Variants in SCLT1 observed in about 807,000 individuals in gnomAD.
SCLT1 encodes sodium channel-associated protein 1.
A neutral mutation model predicts 112.8 loss-of-function variants in SCLT1; 78 were observed. The observed-to-expected ratio is 0.69, with a 90% CI of 0.58 to 0.83. The LOEUF is 0.83. Ranked by LOEUF, SCLT1 falls within the 40% of genes least tolerant of loss-of-function variation. The pLI is 0.00. For missense variants in SCLT1, 747 were observed against 770.4 expected, an observed-to-expected ratio of 0.97 and a Z score of 0.36; for synonymous variants, 257 against 254.7, an observed-to-expected ratio of 1.01 and a Z score of -0.09.
chr4:128,907,504 A>G (rs1475711167), intron 18 of SCLT1, among the ~76,000 whole-genome samples: 1 of 152,152 alleles, frequency 6.6e-6, no homozygotes, highest in East Asian at 1.9e-4. Flanking sequence ...TGGGTAGATG[A>G]TATTACCATT....
At chr4:129,087,193 A>G (rs2125783571) in intron 1 of SCLT1, among the ~76,000 whole-genome samples, 1 of 152,078 alleles carries the variant, frequency 6.6e-6, no homozygotes, top group South Asian at 2.1e-4. Context: ...GACTGCACAG[A>G]GAAAGAACCC....
chr4:129,085,118 G>A (rs946679565), intron 1 of SCLT1, among the ~76,000 whole-genome samples: 3 of 152,144 alleles, frequency 2.0e-5, no homozygotes, highest in African/African-American at 7.2e-5. Flanking sequence ...TGCAAACTGT[G>A]TATCTGACAA....
intron 2 of SCLT1, among the ~76,000 whole-genome samples, chr4:129,056,460 T>C (rs558907833): frequency 3.3e-4 from 50 of 152,348 alleles, no homozygotes; most frequent in African/African-American, 1.2e-3. Context: ...AGCTTTGTTC[T>C]TCAAATCCAT....
At chr4:128,899,921 C>A (rs1009043317) in intron 18 of SCLT1, among the ~76,000 whole-genome samples, 3 of 152,122 alleles carry the variant, frequency 2.0e-5, no homozygotes, top group Non-Finnish European at 4.4e-5. Context: ...AACTCCCATT[C>A]ACAATTGCTT....
chr4:128,892,019 A>AATTACT (rs1733367336), intron 18 of SCLT1, among the ~76,000 whole-genome samples: 1 of 152,148 alleles, frequency 6.6e-6, no homozygotes, highest in Non-Finnish European at 1.5e-5. Context: ...AGGAAACATT[A>AATTACT]ATTACTCCAG....
intron 18 of SCLT1, among the ~76,000 whole-genome samples, chr4:128,908,397 A>AAT (rs1734850079): frequency 6.6e-6 from 1 of 150,534 alleles, no homozygotes; most frequent in Admixed American, 6.6e-5. Context: ...AAAAAAAAGA[A>AAT]AGAAAAAAAC....
chr4:128,956,119 T>A (rs1445058998), intron 13 of SCLT1, among the ~76,000 whole-genome samples: 1 of 152,206 alleles, frequency 6.6e-6, no homozygotes, highest in Non-Finnish European at 1.5e-5. Context: ...GCAAAACATT[T>A]GGAATGAATG....
chr4:129,092,149 C>T (rs72927914), intron 1 of SCLT1, among the ~76,000 whole-genome samples: 2,194 of 152,298 alleles, frequency 0.014, 48 homozygotes, highest in African/African-American at 0.044. Context: ...CCACTCTCAA[C>T]TGAATTCCTA....
intron 2 of SCLT1, among the ~76,000 whole-genome samples, chr4:129,079,588 T>C (rs1751757909): frequency 6.6e-6 from 1 of 152,172 alleles, no homozygotes; most frequent in Non-Finnish European, 1.5e-5. Context: ...CTCTGCAGGG[T>C]ACATTCCCTG....
At chr4:129,052,860 G>C (rs1748943399) in intron 2 of SCLT1, among the ~76,000 whole-genome samples, 1 of 151,988 alleles carries the variant, frequency 6.6e-6, no homozygotes, top group Non-Finnish European at 1.5e-5. Flanking sequence ...ACTCTTGTGG[G>C]CATTTGGTGC....
At chr4:128,955,154 T>C (rs938715352) in intron 13 of SCLT1, among the ~76,000 whole-genome samples, 1 of 152,232 alleles carries the variant, frequency 6.6e-6, no homozygotes, top group Non-Finnish European at 1.5e-5. Flanking sequence ...AGTTAGCATC[T>C]AATGAAACAA....
At chr4:129,009,955 A>T (rs1442524703) in intron 5 of SCLT1, among the ~76,000 whole-genome samples, 1 of 152,136 alleles carries the variant, frequency 6.6e-6, no homozygotes, top group Non-Finnish European at 1.5e-5. Context: ...GTTTAATTAG[A>T]TCCCATTTGT....
chr4:129,056,814 G>A (rs1239113791), intron 2 of SCLT1, among the ~76,000 whole-genome samples: 3 of 152,124 alleles, frequency 2.0e-5, no homozygotes, highest in South Asian at 2.1e-4. Context: ...ATTTGGATGC[G>A]CTTTAATTTC....
intron 18 of SCLT1, among the ~76,000 whole-genome samples, chr4:128,916,704 T>A (rs1018523248): frequency 3.9e-5 from 6 of 152,194 alleles, no homozygotes; most frequent in Non-Finnish European, 8.8e-5. Context: ...CAACACAGTG[T>A]AAAAACAAAT....
intron 9 of SCLT1, among the ~76,000 whole-genome samples, chr4:128,978,107 C>T (rs1741337465): frequency 6.6e-6 from 1 of 152,112 alleles, no homozygotes; most frequent in Non-Finnish European, 1.5e-5. Context: ...TAGAGAGACC[C>T]TCTACTCCTT....
At chr4:128,902,473 C>G (rs113888735) in intron 18 of SCLT1, among the ~76,000 whole-genome samples, 13 of 151,994 alleles carry the variant, frequency 8.6e-5, no homozygotes, top group African/African-American at 2.9e-4. Context: ...AGACTGTAAA[C>G]AATTTTAACA....
chr4:128,884,632 C>G lies in SCLT1; in HGVS notation c.2005-93G>C, dbSNP rs985141884. ...AAGAATGCATCACAACCTATAAGTA[C>G]TGAAATGGTCTTATTGGAAAGGGTT... On this transcript the variant is annotated intron_variant, in intron 20 of 20. Coordinates refer to ENST00000281142, the MANE Select transcript of SCLT1 (RefSeq NM_144643.4). The G allele has an allele frequency of 9.2e-6, 7 of 762,636 alleles. 1 individual carries two copies. Among genetic ancestry groups the G allele is most frequent in the African/African-American group, 8.8e-5 (5 of 56,830 alleles). 47.2% of individuals were successfully genotyped at this position (762,636 alleles called of 1,614,324 possible). A position where few individuals can be genotyped will look rare whatever the true frequency, so the allele number is the denominator to read the frequency against.
chr4:129,076,484 T>C (rs1225591049), intron 2 of SCLT1, among the ~76,000 whole-genome samples: 2 of 152,112 alleles, frequency 1.3e-5, no homozygotes, highest in African/African-American at 4.8e-5. Flanking sequence ...GAAAAAGAAT[T>C]CCCAAGCTAG....
At chr4:128,994,855 T>C (rs1483242087) in intron 8 of SCLT1, among the ~76,000 whole-genome samples, 1 of 152,134 alleles carries the variant, frequency 6.6e-6, no homozygotes, top group Non-Finnish European at 1.5e-5. Context: ...AATCAACTTA[T>C]TAGGTTTTTT....
Sources: allele counts gnomAD v4.1 joint callset (sites outside exome capture counted in the v4.1 genomes callset), GRCh38; gene constraint gnomAD v4.1.1; transcripts MANE v1.5; gene names NCBI Gene and HGNC (gene_info 2026-07-23, HGNC 2026-07-21).